Variants in SKIC2 observed in about 807,000 individuals in gnomAD.
The protein encoded by SKIC2 is superkiller complex protein 2.
chr6:31,959,973 T>C, the SKIC2 span: 4 of 1,430,392 alleles, frequency 2.8e-6, no homozygotes, highest in Non-Finnish European at 3.9e-6. Context: ...TTATCCTCTT[T>C]CCTTACCTAA....
the SKIC2 span, chr6:31,967,840 A>T: frequency 6.2e-7 from 1 of 1,612,922 alleles, no homozygotes; most frequent in South Asian, 1.1e-5. This position sits in a 1 kb window ranked among gnomAD's most constrained non-coding sequence, Gnocchi z 4.9. Flanking sequence ...ACCTCGTGGG[A>T]TTCAAGCTGT....
At chr6:31,961,845 A>G in the SKIC2 span, 2 of 1,593,318 alleles carry the variant, frequency 1.3e-6, no homozygotes, top group Non-Finnish European at 1.7e-6. Flanking sequence ...TGCGTGCTCC[A>G]TGAGCAGGAG....
chr6:31,967,139 C>T, the SKIC2 span: 2 of 1,609,570 alleles, frequency 1.2e-6, no homozygotes, highest in Middle Eastern at 1.7e-4. The surrounding 1 kb of genome is among the most constrained non-coding windows in gnomAD (Gnocchi z 4.9). Flanking sequence ...GCACATGATC[C>T]AGGTGAGCAA....
chr6:31,963,881 T>C, the SKIC2 span: 1 of 1,583,210 alleles, frequency 6.3e-7, no homozygotes, highest in Non-Finnish European at 8.6e-7. The surrounding 1 kb of genome is among the most constrained non-coding windows in gnomAD (Gnocchi z 5.3). Context: ...GAACTCAACC[T>C]CTGCTCCTTC....
the SKIC2 span, chr6:31,962,579 T>A: frequency 6.2e-7 from 1 of 1,612,906 alleles, no homozygotes; most frequent in Non-Finnish European, 8.5e-7. The surrounding 1 kb of genome is among the most constrained non-coding windows in gnomAD (Gnocchi z 5.0). Flanking sequence ...ACCACAGAGA[T>A]CCTTCGGTGA....
the SKIC2 span, chr6:31,963,111 T>G: frequency 1.3e-6 from 2 of 1,539,806 alleles, no homozygotes; most frequent in South Asian, 1.1e-5. This position sits in a 1 kb window ranked among gnomAD's most constrained non-coding sequence, Gnocchi z 5.3. Context: ...GTGTCCCGGG[T>G]TGCCTGGGTG....
chr6:31,968,433 G>A, the SKIC2 span: 1 of 1,613,020 alleles, frequency 6.2e-7, no homozygotes, highest in African/African-American at 1.3e-5. This position sits in a 1 kb window ranked among gnomAD's most constrained non-coding sequence, Gnocchi z 6.1. Flanking sequence ...TCAATGACCT[G>A]CAGCTCAAAG....
At chr6:31,967,335 G>A in the SKIC2 span, 2 of 1,613,032 alleles carry the variant, frequency 1.2e-6, no homozygotes, top group Non-Finnish European at 1.7e-6. The surrounding 1 kb of genome is among the most constrained non-coding windows in gnomAD (Gnocchi z 4.9). Flanking sequence ...TGGTGGTTGT[G>A]AAGAATCAGG....
chr6:31,963,901 T>G, the SKIC2 span: 1 of 1,606,274 alleles, frequency 6.2e-7, no homozygotes, highest in Non-Finnish European at 8.5e-7. The surrounding 1 kb of genome is among the most constrained non-coding windows in gnomAD (Gnocchi z 5.3). Context: ...CCCCTTCCCC[T>G]TCCTTCTCCA....
chr6:31,964,279 T>C, the SKIC2 span: 1 of 1,613,078 alleles, frequency 6.2e-7, no homozygotes. The surrounding 1 kb of genome is among the most constrained non-coding windows in gnomAD (Gnocchi z 5.0). Context: ...GTGTGCACCA[T>C]AGCGGCATCC....
chr6:31,959,733 C>G, the SKIC2 span: 1 of 549,112 alleles, frequency 1.8e-6, no homozygotes, highest in Non-Finnish European at 3.2e-6. Context: ...TCTGGGACCC[C>G]TTTTTCTAAA....
chr6:31,964,398 T>G, the SKIC2 span: 1 of 1,373,956 alleles, frequency 7.3e-7, no homozygotes, highest in Admixed American at 1.8e-5. The surrounding 1 kb of genome is among the most constrained non-coding windows in gnomAD (Gnocchi z 5.0). Context: ...ACTTAGGGGC[T>G]GCCCAGAGGG....
the SKIC2 span, chr6:31,962,560 C>T: frequency 3.1e-6 from 5 of 1,613,608 alleles, no homozygotes; most frequent in Non-Finnish European, 4.2e-6. The surrounding 1 kb of genome is among the most constrained non-coding windows in gnomAD (Gnocchi z 5.0). Context: ...GGCCTCCTGC[C>T]TCATCATGAC....
chr6:31,959,795 T>TA, the SKIC2 span: 1 of 577,484 alleles, frequency 1.7e-6, no homozygotes. Context: ...GGGAGCTTTT[T>TA]AAAAATGCAC....
chr6:31,969,179 C>G, the SKIC2 span: 1 of 1,552,704 alleles, frequency 6.4e-7, no homozygotes. This position sits in a 1 kb window ranked among gnomAD's most constrained non-coding sequence, Gnocchi z 6.1. Context: ...CCCTCCAGCC[C>G]TGTAAGTGCC....
chr6:31,960,764 G>A, the SKIC2 span: 1 of 1,511,398 alleles, frequency 6.6e-7, no homozygotes, highest in Admixed American at 2.2e-5. Context: ...CTGAGTCTGA[G>A]CCTTGAGGAG....
the SKIC2 span, chr6:31,963,218 C>A: frequency 1.2e-6 from 1 of 807,106 alleles, no homozygotes; most frequent in Non-Finnish European, 2.0e-6. This position sits in a 1 kb window ranked among gnomAD's most constrained non-coding sequence, Gnocchi z 5.3. Context: ...GGAACATGTC[C>A]CACCTGGTGG....
chr6:31,963,930 G>GGCC, the SKIC2 span: 3 of 1,611,092 alleles, frequency 1.9e-6, no homozygotes, highest in Non-Finnish European at 2.5e-6. This position sits in a 1 kb window ranked among gnomAD's most constrained non-coding sequence, Gnocchi z 5.3. Context: ...GAGTGTACCT[G>GGCC]TCCCTCCTGG....
the SKIC2 span, chr6:31,967,429 T>C: frequency 7.1e-7 from 1 of 1,409,050 alleles, no homozygotes; most frequent in Non-Finnish European, 1.0e-6. This position sits in a 1 kb window ranked among gnomAD's most constrained non-coding sequence, Gnocchi z 4.9. Flanking sequence ...GCAAGCCCTC[T>C]CTCCATTTTC....
Sources: allele counts gnomAD v4.1 joint callset, GRCh38; gene constraint gnomAD v4.1.1; non-coding constraint Gnocchi (gnomAD v3.1); transcripts MANE v1.5; gene names NCBI Gene and HGNC (gene_info 2026-07-23, HGNC 2026-07-21).